The following CSMD3 variants were observed in gnomAD, a reference collection of about 807,000 sequenced individuals.
CSMD3 encodes the protein CUB and Sushi multiple domains 3.
A neutral mutation model predicts 435.2 loss-of-function variants in CSMD3; 177 were observed. The observed-to-expected ratio is 0.41, with a 90% CI of 0.36 to 0.46. The LOEUF is 0.46. Ranked by LOEUF, CSMD3 falls within the 20% of genes least tolerant of loss-of-function variation. The pLI is 0.34. For synonymous variants in CSMD3, 1,656 were observed against 1,520.5 expected (o/e 1.09, Z -2.07); for missense variants, 4,265 against 4,504.6 (o/e 0.95, Z 1.52).
intron 27 of CSMD3, among the ~76,000 whole-genome samples, chr8:112,532,888 A>T (rs1179215769): frequency 6.6e-6 from 1 of 152,084 alleles, no homozygotes; most frequent in African/African-American, 2.4e-5. Context: ...CAACTATAAC[A>T]GTTTCTTAGG....
At chr8:113,334,297 A>ATTTTTTTTTTTTTTTTTTTTTT (rs2094052880) in intron 1 of CSMD3, among the ~76,000 whole-genome samples, 1 of 126,280 alleles carries the variant, frequency 7.9e-6, no homozygotes, top group Non-Finnish European at 1.6e-5. Context: ...TTTTTTTTTC[A>ATTTTTTTTTTTTTTTTTTTTTT]TTTCCAGCCT....
chr8:112,805,459 A>G (rs909799750), intron 12 of CSMD3, among the ~76,000 whole-genome samples: 1 of 152,222 alleles, frequency 6.6e-6, no homozygotes, highest in Non-Finnish European at 1.5e-5. Flanking sequence ...ACTAGAAGAA[A>G]TAAACACAGT....
chr8:112,973,628 A>G (rs947126584), intron 7 of CSMD3, among the ~76,000 whole-genome samples: 6 of 151,898 alleles, frequency 4.0e-5, no homozygotes, highest in African/African-American at 1.2e-4. Flanking sequence ...CCTGCTGGTA[A>G]TCAAGTCTTA....
chr8:113,316,497 C>A (rs1269343170), intron 1 of CSMD3, among the ~76,000 whole-genome samples: 1 of 151,470 alleles, frequency 6.6e-6, no homozygotes, highest in Non-Finnish European at 1.5e-5. Context: ...ATTCTTTTCA[C>A]AATAGCACCT....
intron 59 of CSMD3, among the ~76,000 whole-genome samples, chr8:112,272,602 G>A (rs140769461): frequency 2.0e-3 from 305 of 152,140 alleles, no homozygotes; most frequent in African/African-American, 3.2e-3. Flanking sequence ...AGCTCTGCCC[G>A]TAGTCAGGAA....
Position 112,867,851 on chromosome 8 carries a change from T to C in CSMD3, c.1634-8585A>G, listed in dbSNP as rs552073591. On this transcript the variant is annotated intron_variant, in intron 10 of 70. Coordinates refer to ENST00000297405, the MANE Select transcript of CSMD3 (RefSeq NM_198123.2). The stretch of plus-strand genomic sequence containing the variant: ...TTACCATACACTAATGCAGACTTCA[T>C]AGATATAACTATAAATTGTTTTTTA... Among the ~76,000 whole-genome samples the C allele has an allele frequency of 8.5e-5, 13 of 152,216 alleles. No homozygotes were observed. The South Asian group carries it at 2.5e-3, about 29-fold the overall frequency.
At chr8:112,835,253 A>G (rs1469660448) in intron 11 of CSMD3, among the ~76,000 whole-genome samples, 1 of 151,898 alleles carries the variant, frequency 6.6e-6, no homozygotes, top group Non-Finnish European at 1.5e-5. Flanking sequence ...TACAGAAGCT[A>G]TGTCTCATAA....
At chr8:112,766,571 G>A (rs1241243026) in intron 13 of CSMD3, among the ~76,000 whole-genome samples, 1 of 151,818 alleles carries the variant, frequency 6.6e-6, no homozygotes, top group African/African-American at 2.4e-5. Context: ...TGAGGGCTAT[G>A]CTGTCAATTT....
At chr8:112,721,333 G>C (rs147175137) in intron 13 of CSMD3, among the ~76,000 whole-genome samples, 2 of 152,174 alleles carry the variant, frequency 1.3e-5, no homozygotes, top group East Asian at 3.9e-4. Flanking sequence ...CCAGCACTTT[G>C]GGAGGCCGAG....
At chr8:112,733,842 G>A (rs1398581286) in intron 13 of CSMD3, among the ~76,000 whole-genome samples, 1 of 151,986 alleles carries the variant, frequency 6.6e-6, no homozygotes, top group Non-Finnish European at 1.5e-5. Context: ...CATAATGTCT[G>A]TGTTGAAGTT....
chr8:113,220,108 A>G (rs2092949626), intron 3 of CSMD3, among the ~76,000 whole-genome samples: 1 of 151,444 alleles, frequency 6.6e-6, no homozygotes, highest in Admixed American at 6.6e-5. Flanking sequence ...TGGAAAGCTT[A>G]ATAAAATACT....
rs75664394 is a variant in CSMD3, at chr8:113,017,032, T to C, written c.1030+2035A>G. Among the ~76,000 whole-genome samples the C allele has an allele frequency of 7.2e-4, 109 of 152,072 alleles. No homozygotes were observed. The East Asian group carries it at 0.019, about 27-fold the overall frequency. On this transcript the variant is annotated intron_variant, in intron 6 of 70. Coordinates refer to ENST00000297405, the MANE Select transcript of CSMD3 (RefSeq NM_198123.2). ...CAAAGGCATATTTTTATAATAAAAC[T>C]TTCCCTTAATCTTATTATAAAATCA...
intron 24 of CSMD3, among the ~76,000 whole-genome samples, chr8:112,560,282 G>T (rs1317706173): frequency 6.6e-6 from 1 of 151,600 alleles, no homozygotes; most frequent in Non-Finnish European, 1.5e-5. Flanking sequence ...TTAAATCATA[G>T]AATTATTTGT....
intron 10 of CSMD3, among the ~76,000 whole-genome samples, chr8:112,861,635 G>C (rs750222168): frequency 6.6e-6 from 1 of 151,886 alleles, no homozygotes; most frequent in Non-Finnish European, 1.5e-5. Flanking sequence ...TAAGGATTCT[G>C]TAATGGATTA....
intron 10 of CSMD3, among the ~76,000 whole-genome samples, chr8:112,920,963 TTATA>T (rs138825681): frequency 9.5e-5 from 12 of 125,798 alleles, no homozygotes; most frequent in African/African-American, 3.0e-4. Flanking sequence ...ATACTGGTAT[TTATA>T]TATATATATG....
chr8:112,873,560 A>G (rs934176173), intron 10 of CSMD3, among the ~76,000 whole-genome samples: 1 of 152,026 alleles, frequency 6.6e-6, no homozygotes, highest in Non-Finnish European at 1.5e-5. Context: ...CAGCAACTAC[A>G]TTTTGCATCT....
At chr8:112,722,935 T>C (rs2076890378) in intron 13 of CSMD3, among the ~76,000 whole-genome samples, 2 of 151,870 alleles carry the variant, frequency 1.3e-5, no homozygotes, top group South Asian at 4.1e-4. Flanking sequence ...CCTAAATTTA[T>C]AATAGGCCCA....
At chr8:113,426,748 T>C (rs1202360468) in intron 1 of CSMD3, among the ~76,000 whole-genome samples, 1 of 151,494 alleles carries the variant, frequency 6.6e-6, no homozygotes. Flanking sequence ...AAATAAATAC[T>C]AACAACAATT....
intron 32 of CSMD3, among the ~76,000 whole-genome samples, chr8:112,444,069 C>T (rs929794718): frequency 1.3e-5 from 2 of 152,008 alleles, no homozygotes; most frequent in African/African-American, 4.8e-5. Flanking sequence ...TGCATAAGTT[C>T]CACATTATTT....
Sources: gnomAD v4.1 joint callset for allele counts (sites outside exome capture counted in the v4.1 genomes callset) on GRCh38, gnomAD v4.1.1 for gene constraint, MANE v1.5 for transcripts, NCBI Gene and HGNC (gene_info 2026-07-23, HGNC 2026-07-21) for gene names.